BCAT1: variants seen among roughly 807,000 people sequenced by gnomAD.
BCAT1 encodes branched chain amino acid transaminase 1.
Under a neutral mutation model 52.4 loss-of-function variants are expected in BCAT1, and 48 were observed. The observed-to-expected ratio is 0.92, with a 90% CI of 0.73 to 1.16. The LOEUF is 1.16. Among genes scored for constraint, BCAT1 ranks in the 50% most tolerant of loss-of-function variants. The pLI is 0.00. For missense variants in BCAT1, 451 were observed against 457.1 expected, an observed-to-expected ratio of 0.99 and a Z score of 0.12; for synonymous variants, 167 against 161.3, an observed-to-expected ratio of 1.04 and a Z score of -0.27.
intron 3 of BCAT1, among the ~76,000 whole-genome samples, chr12:24,885,919 T>TAAGATATCTTTATAGTATA (rs1942650294): frequency 2.0e-5 from 3 of 152,280 alleles, no homozygotes; most frequent in Non-Finnish European, 4.4e-5. Flanking sequence ...ATCAATACTA[T>TAAGATATCTTTATAGTATA]AAGATATCTT....
At chr12:24,834,658 T>A in intron 8 of BCAT1, 1 of 994,532 alleles carries the variant, frequency 1.0e-6, no homozygotes, top group South Asian at 4.2e-5. Flanking sequence ...TAAGTAGATT[T>A]GGAAGAGCAG....
chr12:24,858,252 A>G (rs1368496789), intron 5 of BCAT1, among the ~76,000 whole-genome samples: 1 of 152,226 alleles, frequency 6.6e-6, no homozygotes, highest in Non-Finnish European at 1.5e-5. Context: ...TATGTGTGAT[A>G]TGCATAGAAA....
At chr12:24,896,404 C>A (rs755993004) in intron 2 of BCAT1, among the ~76,000 whole-genome samples, 4 of 152,150 alleles carry the variant, frequency 2.6e-5, no homozygotes, top group Non-Finnish European at 5.9e-5. Context: ...TCTTCAGTGG[C>A]AGCACAGCCA....
chr12:24,907,607 T>C (rs1231611545), intron 1 of BCAT1, among the ~76,000 whole-genome samples: 1 of 152,228 alleles, frequency 6.6e-6, no homozygotes, highest in African/African-American at 2.4e-5. Flanking sequence ...CTTGCGATAA[T>C]GTACTTTGTG....
chr12:24,840,457 A>G (rs1381616854), intron 7 of BCAT1, among the ~76,000 whole-genome samples: 1 of 152,222 alleles, frequency 6.6e-6, no homozygotes, highest in Non-Finnish European at 1.5e-5. Context: ...TGTCACATAC[A>G]GTAACTCAAA....
intron 1 of BCAT1, among the ~76,000 whole-genome samples, chr12:24,932,094 T>C (rs957145943): frequency 2.0e-5 from 3 of 151,806 alleles, no homozygotes; most frequent in Non-Finnish European, 4.4e-5. Context: ...GGTAAGTAAA[T>C]AAAAGGAAAT....
At chr12:24,902,488 G>C (rs2139682674) in intron 1 of BCAT1, 1 of 237,104 alleles carries the variant, frequency 4.2e-6, no homozygotes, top group Non-Finnish European at 7.4e-6. Context: ...GTTTTAATGC[G>C]TAATCTGCTA....
chr12:24,921,052 T>A (rs1943493469), intron 1 of BCAT1, among the ~76,000 whole-genome samples: 1 of 152,018 alleles, frequency 6.6e-6, no homozygotes, highest in South Asian at 2.1e-4. Flanking sequence ...CCCGTGACCC[T>A]CCACGTGTTC....
rs181052881 is a variant in BCAT1, at chr12:24,832,607, C to T, written c.1044+116G>A. Reference sequence around the variant, plus strand: ...TTAAAATAAAGAAAAACAACAACAACGACAAAACTTTTGCATCTTGGGTCT... The same window carrying T: ...TTAAAATAAAGAAAAACAACAACAATGACAAAACTTTTGCATCTTGGGTCT... On this transcript the variant is annotated intron_variant, in intron 9 of 10. Transcript: ENST00000261192. 828 of 1,249,878 alleles carry T rather than the reference C, an allele frequency of 6.6e-4. 1 individual carries two copies. The highest frequency in any genetic ancestry group is 8.3e-4 in the Non-Finnish European group (764 of 921,520). 77.4% of individuals were successfully genotyped at this position (1,249,878 alleles called of 1,614,324 possible).
At chr12:24,894,556 A>G in intron 2 of BCAT1, 81 bp from the exon 3 acceptor site, 2 of 1,181,826 alleles carry the variant, frequency 1.7e-6, no homozygotes, top group African/African-American at 1.5e-5. Flanking sequence ...GAAAAAAAAA[A>G]AGGAAATCAA....
intron 8 of BCAT1, among the ~76,000 whole-genome samples, chr12:24,833,349 T>C (rs1010669560): frequency 2.6e-5 from 4 of 151,956 alleles, no homozygotes; most frequent in Non-Finnish European, 4.4e-5. Context: ...TAAAACCCTG[T>C]CTCTACTAAA....
intron 1 of BCAT1, among the ~76,000 whole-genome samples, chr12:24,942,629 A>G (rs756270558): frequency 6.6e-6 from 1 of 152,166 alleles, no homozygotes; most frequent in Non-Finnish European, 1.5e-5. Context: ...GTCACCTGCA[A>G]AGAACATGGC....
chr12:24,863,765 T>C (rs1002433180), intron 5 of BCAT1, among the ~76,000 whole-genome samples: 9 of 152,162 alleles, frequency 5.9e-5, no homozygotes, highest in Admixed American at 5.2e-4. Context: ...ACCCCATCAA[T>C]ACAAAAAATT....
chr12:24,914,073 G>A (rs956612312), intron 1 of BCAT1, among the ~76,000 whole-genome samples: 1 of 142,358 alleles, frequency 7.0e-6, no homozygotes, highest in African/African-American at 2.6e-5. Context: ...AAATTGGGTT[G>A]GTAGATTATC....
intron 6 of BCAT1, among the ~76,000 whole-genome samples, chr12:24,844,288 G>A (rs1268334355): frequency 2.0e-5 from 3 of 152,162 alleles, no homozygotes; most frequent in South Asian, 4.1e-4. Flanking sequence ...AAAATTAGCC[G>A]GGAGTGGTGG....
chr12:24,900,649 GA>G (rs567094812), intron 2 of BCAT1, among the ~76,000 whole-genome samples: 56 of 152,202 alleles, frequency 3.7e-4, no homozygotes, highest in Non-Finnish European at 7.8e-4. Context: ...TCTTTGCAAA[GA>G]ATTCTTCAGG....
chr12:24,819,867 A>T (rs898994155), intron 10 of BCAT1, among the ~76,000 whole-genome samples: 7 of 152,272 alleles, frequency 4.6e-5, no homozygotes, highest in Non-Finnish European at 7.4e-5. Context: ...CCCGCTATTG[A>T]CTCTGTTGCT....
chr12:24,834,687 G>A (rs1940843416), intron 8 of BCAT1: 7 of 1,015,254 alleles, frequency 6.9e-6, no homozygotes, highest in Non-Finnish European at 8.3e-6. Flanking sequence ...ATCTGCAATA[G>A]AAATATGGCT....
At chr12:24,890,131 A>G (rs111320871) in intron 3 of BCAT1, among the ~76,000 whole-genome samples, 2 of 152,176 alleles carry the variant, frequency 1.3e-5, no homozygotes, top group Admixed American at 6.5e-5. Flanking sequence ...CTGCTCCAGT[A>G]AATTAATCAA....
Sources: allele counts gnomAD v4.1 joint callset (sites outside exome capture counted in the v4.1 genomes callset), GRCh38; gene constraint gnomAD v4.1.1; transcripts MANE v1.5; gene names NCBI Gene and HGNC (gene_info 2026-07-23, HGNC 2026-07-21).